The following HMGB1 variants were observed in gnomAD, a reference collection of about 807,000 sequenced individuals.
HMGB1 encodes high mobility group protein B1.
For synonymous variants in HMGB1, 81 were observed against 84.0 expected, an observed-to-expected ratio of 0.96 and a Z score of 0.19; for missense variants, 79 against 253.5, an observed-to-expected ratio of 0.31 and a Z score of 4.67.
At chr13:30,549,974 C>T (rs975368695) in intron 1 of HMGB1, among the ~76,000 whole-genome samples, 3 of 152,174 alleles carry the variant, frequency 2.0e-5, no homozygotes, top group Non-Finnish European at 4.4e-5. Flanking sequence ...GCCTCAGCCT[C>T]CCAAAGTGCT....
In HMGB1 at chr13:30,458,174, T is replaced by C. The variant is rs1414869762; in HGVS notation, c.*3183A>G. On this transcript the variant is annotated 3_prime_UTR_variant, in exon 5 of 5. Coordinates refer to ENST00000341423, the MANE Select transcript of HMGB1 (RefSeq NM_002128.7). ...TATCAGACCCTTTCAGGAGGCGTGT[T>C]GTACCAAGCAGACCTAAATGTGAAC... 11 of 152,148 alleles carry C rather than the reference T, an allele frequency of 7.2e-5. No individual in the cohort carries two copies. Among genetic ancestry groups the C allele is most frequent in the Non-Finnish European group, 1.3e-4 (9 of 68,032 alleles). 9.4% of individuals were successfully genotyped at this position (152,148 alleles called of 1,614,324 possible).
intron 1 of HMGB1, among the ~76,000 whole-genome samples, chr13:30,548,221 A>T (rs1328451919): frequency 6.6e-6 from 1 of 152,052 alleles, no homozygotes; most frequent in Non-Finnish European, 1.5e-5. Context: ...TGTTCTTGTG[A>T]TACTGAGTGA....
chr13:30,537,712 A>G (rs568410593), intron 1 of HMGB1, among the ~76,000 whole-genome samples: 9 of 133,700 alleles, frequency 6.7e-5, no homozygotes, highest in African/African-American at 2.2e-4. Context: ...TGATGTATCC[A>G]ATGTTAATGA....
At chr13:30,465,058 GA>G (rs1388276749) in intron 1 of HMGB1, 219 of 667,770 alleles carry the variant, frequency 3.3e-4, no homozygotes, top group Middle Eastern at 7.4e-4. Flanking sequence ...AAAGAGAGAG[GA>G]AAAAAAAAGT....
At chr13:30,499,836 T>G (rs1295742681) in intron 1 of HMGB1, among the ~76,000 whole-genome samples, 1 of 152,236 alleles carries the variant, frequency 6.6e-6, no homozygotes, top group Non-Finnish European at 1.5e-5. Flanking sequence ...AACTAAACCC[T>G]GCCCCAAGCC....
intron 1 of HMGB1, among the ~76,000 whole-genome samples, chr13:30,610,459 C>G (rs1950503509): frequency 1.3e-5 from 2 of 152,214 alleles, no homozygotes; most frequent in Admixed American, 1.3e-4. Context: ...AAACCAACAT[C>G]TGCTGTGAGG....
chr13:30,504,703 A>G (rs9578179), intron 1 of HMGB1, among the ~76,000 whole-genome samples: 57,521 of 151,934 alleles, frequency 0.38, 11,626 homozygotes, highest in Middle Eastern at 0.51. Flanking sequence ...AAAAACAGAT[A>G]AAGGCAAGCA....
Position 30,542,763 on chromosome 13 carries a change from T to C in HMGB1, c.-15+73908A>G, listed in dbSNP as rs538307437. The C allele has an allele frequency of 6.1e-5, 13 of 211,924 alleles. No homozygotes were observed. In the South Asian group the frequency reaches 8.8e-4, roughly 14 times the overall value. 13.1% of individuals were successfully genotyped at this position (211,924 alleles called of 1,614,324 possible). ...TCCACAGGGGCACAGTCTGGCCTTCTTCTGGACACACAACGTTGGACCTTG... is the reference window on the plus strand; with the variant it reads ...TCCACAGGGGCACAGTCTGGCCTTCCTCTGGACACACAACGTTGGACCTTG... On this transcript the variant is annotated intron_variant, in intron 1 of 4. Coordinates refer to the HMGB1 transcript ENST00000405805.
At chr13:30,487,829 C>T (rs1315558377) in intron 1 of HMGB1, among the ~76,000 whole-genome samples, 1 of 152,146 alleles carries the variant, frequency 6.6e-6, no homozygotes, top group African/African-American at 2.4e-5. Flanking sequence ...AGGGAGAAGA[C>T]ATTTTGCCAA....
intron 1 of HMGB1, among the ~76,000 whole-genome samples, chr13:30,495,484 T>G (rs904296870): frequency 6.7e-6 from 1 of 150,216 alleles, no homozygotes; most frequent in African/African-American, 2.4e-5. Context: ...TCTTTTCTTT[T>G]TTTTTTTTTT....
At chr13:30,580,516 A>G (rs1870852729) in intron 1 of HMGB1, among the ~76,000 whole-genome samples, 1 of 152,228 alleles carries the variant, frequency 6.6e-6, no homozygotes, top group Non-Finnish European at 1.5e-5. Flanking sequence ...ACAGGAGAGC[A>G]ATTTACCAAA....
intron 1 of HMGB1, among the ~76,000 whole-genome samples, chr13:30,506,567 C>T (rs1887873879): frequency 6.6e-6 from 1 of 152,182 alleles, no homozygotes; most frequent in Admixed American, 6.5e-5. Context: ...TGTCCACCTC[C>T]ACCTTCTGTC....
chr13:30,577,321 C>T (rs1186387477), intron 1 of HMGB1, among the ~76,000 whole-genome samples: 1 of 143,614 alleles, frequency 7.0e-6, no homozygotes, highest in Non-Finnish European at 1.5e-5. Flanking sequence ...GCCTGGGTGA[C>T]AGCATGAGAC....
chr13:30,574,416 A>G (rs1057151862), intron 1 of HMGB1, among the ~76,000 whole-genome samples: 4 of 152,250 alleles, frequency 2.6e-5, no homozygotes, highest in African/African-American at 4.8e-5. Flanking sequence ...ACTGTCTACC[A>G]TAGATGATGT....
chr13:30,466,940 C>T (rs1003215067), upstream of HMGB1, among the ~76,000 whole-genome samples: 2 of 152,206 alleles, frequency 1.3e-5, no homozygotes, highest in African/African-American at 4.8e-5. Flanking sequence ...CTTAGTGCAT[C>T]CATGTAACTG....
chr13:30,519,491 C>G lies in HMGB1; in HGVS notation c.-14-55797G>C, dbSNP rs191994356. ...TGGGCGGATCACGAGGTCAGGAGAT[C>G]GAGACCATCCCGGCTAACACAGTGA... On this transcript the variant is annotated intron_variant, in intron 1 of 4. Transcript: ENST00000405805. Among the ~76,000 whole-genome samples, 562 of 149,950 alleles carry G rather than the reference C, an allele frequency of 3.7e-3. 7 individuals are homozygous for G. The highest frequency in any genetic ancestry group is 0.012 in the African/African-American group (497 of 40,778).
At chr13:30,564,087 T>C (rs776468643) in intron 1 of HMGB1, among the ~76,000 whole-genome samples, 11 of 152,066 alleles carry the variant, frequency 7.2e-5, no homozygotes, top group Non-Finnish European at 1.5e-4. Context: ...TAAAAGGTGA[T>C]ATATTCTCAA....
intron 1 of HMGB1, among the ~76,000 whole-genome samples, chr13:30,577,518 TTCTC>T (rs1427342544): frequency 1.3e-5 from 2 of 152,150 alleles, no homozygotes; most frequent in Non-Finnish European, 2.9e-5. Flanking sequence ...ATCAGTGACC[TTCTC>T]TCTGTTACCG....
chr13:30,580,572 C>T (rs1339256077), intron 1 of HMGB1, among the ~76,000 whole-genome samples: 1 of 152,142 alleles, frequency 6.6e-6, no homozygotes, highest in African/African-American at 2.4e-5. Flanking sequence ...AATTTAGCCA[C>T]AAATATTTAT....
Sources: gnomAD v4.1 joint callset for allele counts (sites outside exome capture counted in the v4.1 genomes callset) on GRCh38, gnomAD v4.1.1 for gene constraint, MANE v1.5 for transcripts, NCBI Gene and HGNC (gene_info 2026-07-23, HGNC 2026-07-21) for gene names.